Variants in SLC44A5 observed in about 807,000 individuals in gnomAD.
The protein encoded by SLC44A5 is choline transporter-like protein 5.
A neutral mutation model predicts 101.8 loss-of-function variants in SLC44A5; 57 were observed. The observed-to-expected ratio is 0.56, with a 90% CI of 0.45 to 0.70. The LOEUF (loss-of-function observed/expected upper bound fraction) is 0.70. Ranked by LOEUF, SLC44A5 falls within the 30% of genes least tolerant of loss-of-function variation. The pLI, the probability that SLC44A5 is intolerant of heterozygous loss-of-function variation, is 0.00. For synonymous variants in SLC44A5, 281 were observed against 290.9 expected (o/e 0.97, Z 0.35); for missense variants, 737 against 853.1 (o/e 0.86, Z 1.70).
chr1:75,237,897 T>G (rs1648246942), intron 10 of SLC44A5, among the ~76,000 whole-genome samples: 1 of 150,802 alleles, frequency 6.6e-6, no homozygotes, highest in Non-Finnish European at 1.5e-5. Context: ...ATTCAACAAC[T>G]GAGCAATGCA....
At chr1:75,330,474 A>G (rs568557583) in intron 4 of SLC44A5, among the ~76,000 whole-genome samples, 2 of 152,260 alleles carry the variant, frequency 1.3e-5, no homozygotes, top group African/African-American at 2.4e-5. Context: ...CTTGCTTACT[A>G]TCTTGCAACT....
the SLC44A5 span, among the ~76,000 whole-genome samples, chr1:75,670,529 A>T: frequency 1.3e-5 from 2 of 152,208 alleles, no homozygotes; most frequent in African/African-American, 4.8e-5. Context: ...TTTATATTTG[A>T]CAATTATATA....
intron 7 of SLC44A5, among the ~76,000 whole-genome samples, chr1:75,248,647 T>C (rs565982844): frequency 2.0e-5 from 3 of 152,220 alleles, no homozygotes; most frequent in Admixed American, 6.5e-5. Context: ...TGAAATTCTA[T>C]AGCAGTAGGC....
At chr1:75,721,482 T>G in the SLC44A5 span, among the ~76,000 whole-genome samples, 1 of 152,378 alleles carries the variant, frequency 6.6e-6, no homozygotes, top group East Asian at 1.9e-4. Flanking sequence ...ACAATTCTTT[T>G]TCTTCCAGTG....
chr1:75,448,378 G>A (rs2101651400), intron 2 of SLC44A5, among the ~76,000 whole-genome samples: 1 of 152,200 alleles, frequency 6.6e-6, no homozygotes, highest in Admixed American at 6.5e-5. Context: ...TTTAGGAGGG[G>A]GCCCGAATGT....
chr1:75,268,744 CT>C (rs1651213261), intron 6 of SLC44A5, among the ~76,000 whole-genome samples: 1 of 152,146 alleles, frequency 6.6e-6, no homozygotes. Flanking sequence ...ATTTTAATAA[CT>C]TCATTTCTTG....
intron 2 of SLC44A5, among the ~76,000 whole-genome samples, chr1:75,449,821 T>C (rs1008697338): frequency 6.6e-6 from 1 of 152,020 alleles, no homozygotes; most frequent in African/African-American, 2.4e-5. Flanking sequence ...GCCAACATGG[T>C]GAAACTTCGT....
At chr1:75,289,837 C>T (rs1007816910) in intron 5 of SLC44A5, among the ~76,000 whole-genome samples, 2 of 151,998 alleles carry the variant, frequency 1.3e-5, no homozygotes, top group African/African-American at 4.8e-5. Flanking sequence ...AGATAGAGGC[C>T]AATGATTTGG....
intron 6 of SLC44A5, among the ~76,000 whole-genome samples, chr1:75,260,284 T>A (rs1171758112): frequency 2.6e-5 from 4 of 152,078 alleles, no homozygotes; most frequent in African/African-American, 9.7e-5. Flanking sequence ...GGAGACCCAT[T>A]TCACATGCAA....
intron 2 of SLC44A5, among the ~76,000 whole-genome samples, chr1:75,397,966 A>C (rs918615858): frequency 6.6e-6 from 1 of 152,184 alleles, no homozygotes; most frequent in African/African-American, 2.4e-5. Flanking sequence ...TACAGGTTTC[A>C]CACTTACCAT....
chr1:75,350,461 A>G (rs753973837), intron 3 of SLC44A5, among the ~76,000 whole-genome samples: 4 of 151,766 alleles, frequency 2.6e-5, no homozygotes, highest in Non-Finnish European at 5.9e-5. Context: ...AGGCTAAGAA[A>G]TATACAAGCT....
At chr1:75,399,155 G>A (rs559766557) in intron 2 of SLC44A5, among the ~76,000 whole-genome samples, 1 of 152,056 alleles carries the variant, frequency 6.6e-6, no homozygotes, top group Non-Finnish European at 1.5e-5. Flanking sequence ...TGCTCCTATT[G>A]TGTCATCCTG....
At chr1:75,580,918 A>AT (rs986517992) in intron 1 of SLC44A5, among the ~76,000 whole-genome samples, 24 of 152,228 alleles carry the variant, frequency 1.6e-4, no homozygotes, top group Admixed American at 5.9e-4. Flanking sequence ...CACAGGGAAT[A>AT]TTTTTTTAAA....
chr1:75,238,669 T>C, intron 9 of SLC44A5, 33 bp from the exon 10 acceptor site: 2 of 1,416,354 alleles, frequency 1.4e-6, no homozygotes, highest in Middle Eastern at 3.6e-4. Flanking sequence ...TTGTAATCAC[T>C]TTTCTATTTC....
At chr1:75,319,948 C>T (rs759170155) in intron 4 of SLC44A5, among the ~76,000 whole-genome samples, 1 of 152,114 alleles carries the variant, frequency 6.6e-6, no homozygotes, top group Admixed American at 6.6e-5. Context: ...GGCTTTTGTA[C>T]GTGAATTGGA....
intron 2 of SLC44A5, among the ~76,000 whole-genome samples, chr1:75,403,710 C>T (rs1395216865): frequency 6.6e-6 from 1 of 152,056 alleles, no homozygotes; most frequent in African/African-American, 2.4e-5. Context: ...ACATCAAAGA[C>T]CAAAGATACA....
chr1:75,680,357 T>G, the SLC44A5 span, among the ~76,000 whole-genome samples: 2 of 152,050 alleles, frequency 1.3e-5, no homozygotes, highest in Non-Finnish European at 2.9e-5. Context: ...ACCACATACT[T>G]GGAAGTAAAG....
chr1:75,486,443 T>C (rs1466694578), intron 2 of SLC44A5, among the ~76,000 whole-genome samples: 1 of 152,226 alleles, frequency 6.6e-6, no homozygotes, highest in Non-Finnish European at 1.5e-5. Flanking sequence ...ATCAAATGTT[T>C]TACTCTTATT....
the SLC44A5 span, among the ~76,000 whole-genome samples, chr1:75,676,150 G>T: frequency 1.3e-5 from 2 of 152,120 alleles, no homozygotes; most frequent in South Asian, 4.1e-4. Flanking sequence ...ATTCCTCAAA[G>T]AACTAGAACT....
Sources: gnomAD v4.1 joint callset for allele counts (sites outside exome capture counted in the v4.1 genomes callset) on GRCh38, gnomAD v4.1.1 for gene constraint, MANE v1.5 for transcripts, NCBI Gene and HGNC (gene_info 2026-07-23, HGNC 2026-07-21) for gene names.